Variants in MYRIP observed in about 807,000 individuals in gnomAD.
The protein encoded by MYRIP is myosin VIIA and Rab interacting protein.
A neutral mutation model predicts 98.0 loss-of-function variants in MYRIP; 49 were observed. The ratio of observed to expected loss-of-function variants is 0.50; its 90% CI spans 0.40 to 0.63. The LOEUF (loss-of-function observed/expected upper bound fraction) is 0.63, where lower values mean the gene tolerates loss of function less well. MYRIP is among the 30% of genes least tolerant of loss of function. MYRIP has a pLI of 0.00. For missense variants in MYRIP, 1,004 were observed against 1,058.2 expected (o/e 0.95, Z 0.71); for synonymous variants, 404 against 409.5 (o/e 0.99, Z 0.16).
At chr3:40,150,736 C>T (rs750586630) in intron 3 of MYRIP, among the ~76,000 whole-genome samples, 47 of 152,060 alleles carry the variant, frequency 3.1e-4, no homozygotes, top group Non-Finnish European at 5.6e-4. Flanking sequence ...GGGAGTTGGC[C>T]GGCTATTGGC....
chr3:40,130,669 C>T (rs1559413174), intron 3 of MYRIP, among the ~76,000 whole-genome samples: 4 of 151,922 alleles, frequency 2.6e-5, no homozygotes, highest in East Asian at 1.9e-4. Flanking sequence ...CGTGAGCCAC[C>T]GCGCCCGGCC....
At chr3:39,811,439 T>A (rs997618725) in intron 1 of MYRIP, among the ~76,000 whole-genome samples, 2 of 152,078 alleles carry the variant, frequency 1.3e-5, no homozygotes, top group African/African-American at 4.8e-5. Context: ...ATTTAAAAAA[T>A]TTTACAGCAA....
At chr3:39,939,939 G>C (rs1944744295) in intron 2 of MYRIP, among the ~76,000 whole-genome samples, 1 of 151,814 alleles carries the variant, frequency 6.6e-6, no homozygotes, top group Non-Finnish European at 1.5e-5. Context: ...ATGTATGTAT[G>C]CATGCATGTG....
chr3:40,190,171 C>A lies in MYRIP; in HGVS notation c.1373C>A (p.Ser458Tyr). 6.2e-7 allele frequency: 1 copy of A among 1,614,142 alleles called. No individual in the cohort carries two copies. Among genetic ancestry groups the A allele is most frequent in the Non-Finnish European group, 8.5e-7 (1 of 1,180,018 alleles). ...PEAMCSDSET[S>Y]SAGSSREVGH... ...GCCATGTGCTCTGACTCGGAGACCTCCTCCGCAGGCTCTTCCCGAGAAGTT... is the reference window on the plus strand; with the variant it reads ...GCCATGTGCTCTGACTCGGAGACCTACTCCGCAGGCTCTTCCCGAGAAGTT... Residue 458 changes from serine (S) to tyrosine (Y), a missense_variant, in exon 10 of 17, where the codon TCC becomes TAC. Physicochemically the swap from Ser to Tyr is moderately radical, Grantham distance 144. Transcript: ENST00000302541.
chr3:40,175,361 C>T (rs187311209), intron 8 of MYRIP, among the ~76,000 whole-genome samples: 3 of 152,178 alleles, frequency 2.0e-5, no homozygotes, highest in Admixed American at 6.5e-5. Context: ...TGAGGTGACC[C>T]ACAGAGCCCA....
At chr3:40,097,501 T>G (rs1208617119) in intron 3 of MYRIP, among the ~76,000 whole-genome samples, 1 of 152,174 alleles carries the variant, frequency 6.6e-6, no homozygotes, top group Non-Finnish European at 1.5e-5. Flanking sequence ...AGCAATTTAT[T>G]CAAGGCTTCT....
At chr3:39,881,814 G>GT (rs369687920) in intron 1 of MYRIP, among the ~76,000 whole-genome samples, 9 of 152,104 alleles carry the variant, frequency 5.9e-5, no homozygotes, top group African/African-American at 9.6e-5. Flanking sequence ...TTAGATTTCA[G>GT]TTTTTTTCAC....
intron 1 of MYRIP, among the ~76,000 whole-genome samples, chr3:39,851,701 G>A (rs1253701363): frequency 6.6e-6 from 1 of 152,184 alleles, no homozygotes; most frequent in Non-Finnish European, 1.5e-5. Context: ...GTTCTCATTT[G>A]TCAGAAATAA....
intron 3 of MYRIP, among the ~76,000 whole-genome samples, chr3:40,051,715 G>C (rs998868611): frequency 3.3e-5 from 5 of 152,084 alleles, no homozygotes; most frequent in Admixed American, 3.3e-4. Context: ...CATTAAGCTT[G>C]TGGCATTTGC....
intron 2 of MYRIP, among the ~76,000 whole-genome samples, chr3:39,937,318 A>C (rs920761333): frequency 2.5e-4 from 38 of 152,196 alleles, no homozygotes; most frequent in Non-Finnish European, 1.2e-4. Context: ...TTTTCTGTCA[A>C]ACCATGTTGT....
At chr3:39,943,186 AG>A (rs1328560243) in intron 2 of MYRIP, among the ~76,000 whole-genome samples, 1 of 152,196 alleles carries the variant, frequency 6.6e-6, no homozygotes, top group Non-Finnish European at 1.5e-5. Flanking sequence ...AGCTGCATGC[AG>A]TGCATTAAAC....
At chr3:39,960,921 C>CA (rs1945308191) in intron 2 of MYRIP, among the ~76,000 whole-genome samples, 1 of 152,164 alleles carries the variant, frequency 6.6e-6, no homozygotes, top group Admixed American at 6.6e-5. Context: ...GCTGTGCAGA[C>CA]AGGAACCTCA....
intron 11 of MYRIP, among the ~76,000 whole-genome samples, chr3:40,211,837 G>C (rs1265078366): frequency 6.6e-6 from 1 of 151,696 alleles, no homozygotes; most frequent in Non-Finnish European, 1.5e-5. Flanking sequence ...ACCAATGTAC[G>C]CTATTCTCCC....
At chr3:39,926,839 G>A (rs1944430226) in intron 2 of MYRIP, among the ~76,000 whole-genome samples, 1 of 151,984 alleles carries the variant, frequency 6.6e-6, no homozygotes, top group Non-Finnish European at 1.5e-5. Context: ...AATAATTTTA[G>A]AATACTTTTT....
At chr3:40,199,942 C>A (rs1443132084) in intron 10 of MYRIP, among the ~76,000 whole-genome samples, 1 of 151,632 alleles carries the variant, frequency 6.6e-6, no homozygotes, top group Admixed American at 6.6e-5. Flanking sequence ...CAAACAATAG[C>A]CTGGAAGGAC....
chr3:40,203,115 A>G (rs1951617030), intron 10 of MYRIP, among the ~76,000 whole-genome samples: 1 of 151,772 alleles, frequency 6.6e-6, no homozygotes, highest in Non-Finnish European at 1.5e-5. Flanking sequence ...TATTTTTAGT[A>G]AAGACAGGGT....
intron 3 of MYRIP, among the ~76,000 whole-genome samples, chr3:40,108,995 C>G (rs1489613648): frequency 2.0e-5 from 3 of 152,202 alleles, no homozygotes; most frequent in Non-Finnish European, 2.9e-5. Flanking sequence ...GAGACAATCC[C>G]TTTACCTCAG....
chr3:40,201,047 C>T (rs1027368184), intron 10 of MYRIP, among the ~76,000 whole-genome samples: 1 of 152,194 alleles, frequency 6.6e-6, no homozygotes. Context: ...CTTAATTATG[C>T]CTAATGTTCC....
intron 3 of MYRIP, among the ~76,000 whole-genome samples, chr3:40,058,820 C>T (rs1452483162): frequency 6.6e-6 from 1 of 152,090 alleles, no homozygotes; most frequent in Non-Finnish European, 1.5e-5. Flanking sequence ...TTCTGGGATA[C>T]ATGTGCAGAA....
Sources: allele counts gnomAD v4.1 joint callset (sites outside exome capture counted in the v4.1 genomes callset), GRCh38; gene constraint gnomAD v4.1.1; transcripts MANE v1.5; gene names NCBI Gene and HGNC (gene_info 2026-07-23, HGNC 2026-07-21).